The following LCORL variants were observed in gnomAD, a reference collection of about 807,000 sequenced individuals.
The protein encoded by LCORL is ligand dependent nuclear receptor corepressor like, also known as ligand-dependent nuclear receptor corepressor-like protein.
Under a neutral mutation model 141.8 loss-of-function variants are expected in LCORL, and 41 were observed. The observed-to-expected ratio is 0.29, with a 90% CI of 0.23 to 0.38. LCORL has a LOEUF of 0.38. Among genes scored for constraint, LCORL ranks in the 10% least tolerant of loss-of-function variants. The probability of loss-of-function intolerance (pLI) is 1.00; values close to 1 mark genes in which losing one functional copy is unlikely to be tolerated. For synonymous variants in LCORL, 618 were observed against 694.1 expected, an observed-to-expected ratio of 0.89 and a Z score of 1.72; for missense variants, 1,759 against 2,035.0, an observed-to-expected ratio of 0.86 and a Z score of 2.61.
intron 4 of LCORL, among the ~76,000 whole-genome samples, chr4:17,937,017 T>C (rs1254282919): frequency 2.0e-5 from 3 of 152,210 alleles, no homozygotes; most frequent in Non-Finnish European, 4.4e-5. Flanking sequence ...TTTTATAATC[T>C]ATGTAATTTA....
intron 1 of LCORL, chr4:18,020,473 C>T (rs940035327): frequency 6.6e-6 from 1 of 152,216 alleles, no homozygotes; most frequent in East Asian, 1.9e-4. Flanking sequence ...AAAACAAACA[C>T]CCACAACGCG....
In LCORL at chr4:17,884,359, C is replaced by T; in HGVS notation, c.776+1709G>A. On this transcript the variant is annotated intron_variant, in intron 6 of 7. Coordinates refer to ENST00000635767, the Ensembl canonical transcript of LCORL. This position sits in a 1 kb window ranked among gnomAD's most constrained non-coding sequence, Gnocchi z 4.4. The stretch of plus-strand genomic sequence containing the variant: ...CATTTTTTTCTTTAAACTGAGTGAC[C>T]ATTTTCTGTAGAGTTAGCTGATGGA... The T allele has an allele frequency of 6.5e-7, 1 of 1,547,104 alleles. No individual in the cohort carries two copies. The highest frequency in any genetic ancestry group is 8.7e-7 in the Non-Finnish European group (1 of 1,145,454).
At chr4:17,864,626 A>G (rs970368752) in intron 7 of LCORL, among the ~76,000 whole-genome samples, 5 of 152,272 alleles carry the variant, frequency 3.3e-5, no homozygotes, top group Non-Finnish European at 5.9e-5. Flanking sequence ...ACAAATAGAA[A>G]GATGGCTGAT....
intron 5 of LCORL, among the ~76,000 whole-genome samples, chr4:17,901,238 A>G (rs1050632834): frequency 6.6e-6 from 1 of 152,156 alleles, no homozygotes; most frequent in Non-Finnish European, 1.5e-5. Flanking sequence ...AGGGAGAGAA[A>G]GAGTGAGAGA....
At chr4:17,919,016 A>G (rs1361752681) in intron 4 of LCORL, among the ~76,000 whole-genome samples, 1 of 152,154 alleles carries the variant, frequency 6.6e-6, no homozygotes, top group Non-Finnish European at 1.5e-5. Context: ...GACCAAGAAA[A>G]TAACTAAAGA....
At chr4:17,995,852 T>G (rs1720838851) in intron 1 of LCORL, among the ~76,000 whole-genome samples, 2 of 152,086 alleles carry the variant, frequency 1.3e-5, no homozygotes, top group South Asian at 4.1e-4. Context: ...CAGGTTGGAG[T>G]CCATGATTTG....
intron 1 of LCORL, among the ~76,000 whole-genome samples, chr4:18,017,679 A>T (rs1279185564): frequency 3.3e-5 from 5 of 152,180 alleles, no homozygotes; most frequent in Admixed American, 3.3e-4. Flanking sequence ...AGTGTTCCCA[A>T]TTGAAAGTGA....
chr4:17,957,181 A>G (rs1001867289), intron 4 of LCORL, among the ~76,000 whole-genome samples: 1 of 151,968 alleles, frequency 6.6e-6, no homozygotes, highest in Admixed American at 6.6e-5. Flanking sequence ...GGGAGGAAGA[A>G]AGCAAAAAGC....
At chr4:17,996,060 A>C (rs181117583) in intron 1 of LCORL, among the ~76,000 whole-genome samples, 209 of 152,272 alleles carry the variant, frequency 1.4e-3, no homozygotes, top group Non-Finnish European at 2.3e-3. Flanking sequence ...GAAAAAATGT[A>C]ATGCAATAAA....
intron 5 of LCORL, among the ~76,000 whole-genome samples, chr4:17,886,738 A>C (rs1392740215): frequency 6.6e-6 from 1 of 152,084 alleles, no homozygotes. Context: ...AATTGTGCTT[A>C]TATCTACGAC....
intron 7 of LCORL, among the ~76,000 whole-genome samples, chr4:17,862,293 A>G (rs1257891131): frequency 6.6e-6 from 1 of 152,226 alleles, no homozygotes; most frequent in Non-Finnish European, 1.5e-5. Context: ...TTGGCAGACA[A>G]GAGAAGAGAG....
rs1383607896 is a variant in LCORL, at chr4:17,987,174, G to T, written c.155-14289C>A. 2.0e-5 allele frequency among the ~76,000 whole-genome samples: 3 copies of T among 152,216 alleles called. No homozygotes were observed. The East Asian group carries it at 5.8e-4, about 29-fold the overall frequency. Reference sequence around the variant, plus strand: ...TTTTCAGGCCACTTTTATTACTCATGAAGTCTCAAAATGATGTGGGTCTGT... The same window carrying T: ...TTTTCAGGCCACTTTTATTACTCATTAAGTCTCAAAATGATGTGGGTCTGT... On this transcript the variant is annotated intron_variant, in intron 1 of 7. Transcript: ENST00000635767.
chr4:17,980,377 C>T (rs917435230), intron 1 of LCORL, among the ~76,000 whole-genome samples: 4 of 152,224 alleles, frequency 2.6e-5, no homozygotes, highest in Non-Finnish European at 5.9e-5. Flanking sequence ...ATGATTTAGA[C>T]TGACTTGCTT....
chr4:17,845,825 TAATGGGGCTCA>T (rs1361886031), exon 8 of LCORL: 2 of 1,613,494 alleles, frequency 1.2e-6, no homozygotes, highest in Non-Finnish European at 1.7e-6. Flanking sequence ...AGGCACATCT[TAATGGGGCTCA>T]AAGGGCAACT....
At chr4:17,915,863 T>C (rs749981644) in intron 4 of LCORL, among the ~76,000 whole-genome samples, 7 of 152,216 alleles carry the variant, frequency 4.6e-5, no homozygotes, top group Non-Finnish European at 8.8e-5. Context: ...TTTAGATGTT[T>C]GTCCCCTCTA....
intron 7 of LCORL, among the ~76,000 whole-genome samples, chr4:17,857,307 A>G (rs558597695): frequency 9.8e-5 from 15 of 152,302 alleles, no homozygotes; most frequent in African/African-American, 3.1e-4. Flanking sequence ...ACAGATCTGC[A>G]GAGGATTTTC....
chr4:17,885,106 T>C (rs1381899970), intron 6 of LCORL, among the ~76,000 whole-genome samples: 2 of 151,956 alleles, frequency 1.3e-5, no homozygotes, highest in African/African-American at 4.8e-5. Flanking sequence ...TTATAAAAAG[T>C]ACCCAAATCC....
At chr4:17,974,605 G>A (rs1380140005) in intron 1 of LCORL, among the ~76,000 whole-genome samples, 2 of 152,004 alleles carry the variant, frequency 1.3e-5, no homozygotes, top group South Asian at 4.1e-4. Flanking sequence ...CTTTTCTCCT[G>A]TAATGGTTTT....
At chr4:17,964,906 A>G (rs1161690256) in intron 2 of LCORL, among the ~76,000 whole-genome samples, 12 of 151,636 alleles carry the variant, frequency 7.9e-5, no homozygotes, top group Non-Finnish European at 1.6e-4. Context: ...TCATTAAAGA[A>G]TTTTTGGAAA....
Sources: gnomAD v4.1 joint callset for allele counts (sites outside exome capture counted in the v4.1 genomes callset) on GRCh38, gnomAD v4.1.1 for gene constraint, Gnocchi (gnomAD v3.1) non-coding constraint, MANE v1.5 for transcripts, NCBI Gene and HGNC (gene_info 2026-07-23, HGNC 2026-07-21) for gene names.